Variants in BPTF observed in about 807,000 individuals in gnomAD.
The protein encoded by BPTF is nucleosome-remodeling factor subunit BPTF.
In BPTF, 18 loss-of-function variants were observed where a neutral mutation model predicts 292.5. That is an observed-to-expected ratio of 0.06 (90% CI 0.04 to 0.09). The LOEUF (loss-of-function observed/expected upper bound fraction) is 0.09. Among genes scored for constraint, BPTF ranks in the 10% least tolerant of loss-of-function variants. The pLI is 1.00. For missense variants in BPTF, 2,726 were observed against 3,498.7 expected (o/e 0.78, Z 5.57); for synonymous variants, 1,225 against 1,251.9 (o/e 0.98, Z 0.45).
intron 18 of BPTF, 100 bp downstream of exon 18, chr17:67,932,119 A>C (rs2064448168): frequency 5.2e-6 from 5 of 965,218 alleles, no homozygotes; most frequent in Non-Finnish European, 6.3e-6. Context: ...ATATAATTTT[A>C]ATTAGTACTT....
rs987470821 is a variant in BPTF at position 67,832,610 on chromosome 17, G to GT, written c.613+6280dup. Among the ~76,000 whole-genome samples, 17 of 151,822 alleles carry GT rather than the reference G, an allele frequency of 1.1e-4. No individual in the cohort carries two copies. In the South Asian group the frequency reaches 1.7e-3, roughly 15 times the overall value. On this transcript the variant is annotated intron_variant, in intron 1 of 27. Transcript: ENST00000306378. ...CCCTTGTAAAGTATATAATTTAGTG[G>GT]TTTTTTTAGTATATTGACAGAGTTG... is the stretch of plus-strand genomic sequence containing the variant.
intron 7 of BPTF, among the ~76,000 whole-genome samples, chr17:67,899,202 A>G (rs2061654835): frequency 6.6e-6 from 1 of 152,194 alleles, no homozygotes; most frequent in African/African-American, 2.4e-5. Flanking sequence ...GCCTACCCAC[A>G]AAGGCCAAAT....
At chr17:67,893,312 A>G (rs779357294) in intron 5 of BPTF, 58 bp from the exon 6 acceptor site, 28 of 1,049,664 alleles carry the variant, frequency 2.7e-5, no homozygotes, top group Non-Finnish European at 3.1e-5. Context: ...AGTTGATTAG[A>G]TGAAATTCAC....
chr17:67,881,121 G>A (rs2060375559), intron 4 of BPTF, among the ~76,000 whole-genome samples: 2 of 151,958 alleles, frequency 1.3e-5, no homozygotes, highest in African/African-American at 4.8e-5. Flanking sequence ...ATAGGAGTGA[G>A]AACATAAGAA....
intron 14 of BPTF, 151 bp from the exon 15 acceptor site, chr17:67,924,396 T>G (rs2063699107): frequency 5.0e-6 from 4 of 792,330 alleles, no homozygotes; most frequent in Non-Finnish European, 7.9e-6. Context: ...ATTACAGGCA[T>G]GAGCCACCTC....
At position 67,960,671 on chromosome 17, in the gene BPTF, A is replaced by G. The variant is rs539486786; in HGVS notation, c.8261+796A>G. On this transcript the variant is annotated intron_variant, in intron 24 of 27. Coordinates refer to ENST00000306378, the MANE Select transcript of BPTF (RefSeq NM_182641.4). Reference sequence around the variant, plus strand: ...CACAGTTAACCACCATACTTTTTACAGGACCAAAAAGTCTGATTGTGCTTT... The same window carrying G: ...CACAGTTAACCACCATACTTTTTACGGGACCAAAAAGTCTGATTGTGCTTT... Among the ~76,000 whole-genome samples the G allele has an allele frequency of 7.2e-5, 11 of 152,380 alleles. No homozygotes were observed. The East Asian group carries it at 1.7e-3, about 24-fold the overall frequency.
At chr17:67,932,082 C>T (rs1367985153) in intron 18 of BPTF, 63 bp downstream of exon 18, 3 of 1,392,658 alleles carry the variant, frequency 2.2e-6, no homozygotes, top group Non-Finnish European at 3.0e-6. Context: ...ATACGTAATT[C>T]TCTGCATTTG....
At chr17:67,978,854 A>C (rs1309284922) in intron 27 of BPTF, among the ~76,000 whole-genome samples, 1 of 152,098 alleles carries the variant, frequency 6.6e-6, no homozygotes, top group Non-Finnish European at 1.5e-5. Flanking sequence ...GGCAATTAGA[A>C]ACGCCACTAA....
Position 67,894,049 on chromosome 17 carries a change from G to A in BPTF, c.2427G>A (p.Lys809=). ...NWASHRANWI[K]AVQMCSKPRE... The stretch of plus-strand genomic sequence containing the variant: ...TGAAATACAGGGCAAATTGGATCAA[G>A]GCAGTTCAGATGTGTAGCAAACCCA... The change falls in exon 7 of 28, where the codon AAG becomes AAA. Residue 809 remains lysine, a synonymous_variant. Transcript: ENST00000306378. 6.2e-7 allele frequency: 1 copy of A among 1,613,864 alleles called. No homozygotes were observed. Among genetic ancestry groups the A allele is most frequent in the Non-Finnish European group, 8.5e-7 (1 of 1,179,804 alleles).
intron 26 of BPTF, among the ~76,000 whole-genome samples, chr17:67,973,137 G>A (rs1453555580): frequency 2.7e-5 from 4 of 148,644 alleles, no homozygotes; most frequent in Non-Finnish European, 5.9e-5. Context: ...CACTTTGGGA[G>A]GCCGAGGCAG....
intron 7 of BPTF, among the ~76,000 whole-genome samples, chr17:67,903,015 T>G (rs561855715): frequency 2.2e-3 from 337 of 152,356 alleles, no homozygotes; most frequent in Non-Finnish European, 4.1e-3. Context: ...CAGTCTTTAC[T>G]GGTAGGTGCA....
At chr17:67,944,764 T>G (rs1290131341) in intron 20 of BPTF, among the ~76,000 whole-genome samples, 2 of 152,152 alleles carry the variant, frequency 1.3e-5, no homozygotes, top group Admixed American at 6.5e-5. Context: ...TTGTTGACCT[T>G]CTGCTGCAAG....
chr17:67,931,792 C>G (rs1414823713), intron 17 of BPTF, 119 bp from the exon 18 acceptor site: 2 of 647,138 alleles, frequency 3.1e-6, no homozygotes, highest in African/African-American at 3.8e-5. Context: ...TCAAGAGCCC[C>G]TGTCATTCCT....
intron 27 of BPTF, chr17:67,981,984 A>AATATATATATATATATAT (rs35063149): frequency 7.3e-6 from 1 of 137,776 alleles, no homozygotes; most frequent in African/African-American, 2.9e-5. Flanking sequence ...TTATTAGACA[A>AATATATATATATATATAT]ATATATATAT....
intron 3 of BPTF, among the ~76,000 whole-genome samples, chr17:67,869,825 T>TAAAAAAA: frequency 3.9e-5 from 1 of 25,500 alleles, no homozygotes; most frequent in East Asian, 1.0e-3. Context: ...CTACTAAAAA[T>TAAAAAAA]ACAAAAAAAA....
chr17:67,927,616 T>C lies in BPTF; in HGVS notation c.5752-739T>C, dbSNP rs1311248874. Reference sequence around the variant, plus strand: ...CAGTGAAACAGAAACCTTTCACAGCTCCATTTGTTCTCAGCTCTGAATCTC... The same window carrying C: ...CAGTGAAACAGAAACCTTTCACAGCCCCATTTGTTCTCAGCTCTGAATCTC... On this transcript the variant is annotated intron_variant, in intron 15 of 27. Transcript: ENST00000306378. 4.6e-5 allele frequency among the ~76,000 whole-genome samples: 7 copies of C among 152,312 alleles called. No homozygotes were observed. The East Asian group carries it at 7.7e-4, about 17-fold the overall frequency.
Position 67,825,554 on chromosome 17 carries a change from G to C in BPTF, c.-171G>C. The C allele has an allele frequency of 2.3e-6, 1 of 430,160 alleles. No homozygotes were observed. The highest frequency in any genetic ancestry group is 4.5e-6 in the Non-Finnish European group (1 of 222,788). The allele number at this position is 430,160 out of a possible 1,614,324, so 26.6% of individuals were successfully genotyped here. On this transcript the variant is annotated 5_prime_UTR_variant, in exon 1 of 28. Coordinates refer to ENST00000306378, the MANE Select transcript of BPTF (RefSeq NM_182641.4). ...AGATGGCGGCTGAAGGCGATCCGGAGTGGGGCCCCAGCAATTCGGATTGAG... is the reference window on the plus strand; with the variant it reads ...AGATGGCGGCTGAAGGCGATCCGGACTGGGGCCCCAGCAATTCGGATTGAG...
chr17:67,922,261 T>C (rs2063503642), intron 13 of BPTF, among the ~76,000 whole-genome samples: 1 of 152,224 alleles, frequency 6.6e-6, no homozygotes, highest in South Asian at 2.1e-4. Context: ...TGTGATTGAA[T>C]ATATGGGAAG....
intron 1 of BPTF, among the ~76,000 whole-genome samples, chr17:67,838,359 A>T (rs760426701): frequency 1.3e-5 from 2 of 152,172 alleles, no homozygotes; most frequent in Admixed American, 6.5e-5. Context: ...AAAACCTTTA[A>T]ATTTTATTTT....
Sources: gnomAD v4.1 joint callset for allele counts (sites outside exome capture counted in the v4.1 genomes callset) on GRCh38, gnomAD v4.1.1 for gene constraint, MANE v1.5 for transcripts, NCBI Gene and HGNC (gene_info 2026-07-23, HGNC 2026-07-21) for gene names.